Variants in STX8 observed in about 807,000 individuals in gnomAD.
The protein encoded by STX8 is syntaxin 8.
A neutral mutation model predicts 37.5 loss-of-function variants in STX8; 23 were observed. That is an observed-to-expected ratio of 0.61 (90% CI 0.44 to 0.87). The LOEUF (loss-of-function observed/expected upper bound fraction) is 0.87, where lower values mean the gene tolerates loss of function less well. Among genes scored for constraint, STX8 ranks in the 40% least tolerant of loss-of-function variants. The pLI is 0.00. For missense variants in STX8, 313 were observed against 284.7 expected, an observed-to-expected ratio of 1.10 and a Z score of -0.71; for synonymous variants, 115 against 99.1, an observed-to-expected ratio of 1.16 and a Z score of -0.95.
At chr17:9,306,087 A>G (rs1037185220) in intron 7 of STX8, among the ~76,000 whole-genome samples, 1 of 152,096 alleles carries the variant, frequency 6.6e-6, no homozygotes, top group Non-Finnish European at 1.5e-5. Flanking sequence ...CTTTTATTAT[A>G]CTATTTATAC....
chr17:9,261,261 G>T (rs1305481975), intron 7 of STX8, among the ~76,000 whole-genome samples: 1 of 152,208 alleles, frequency 6.6e-6, no homozygotes, highest in African/African-American at 2.4e-5. Context: ...CTCACGGCCC[G>T]GCCAGGGCGA....
intron 4 of STX8, among the ~76,000 whole-genome samples, chr17:9,510,009 A>G (rs970445718): frequency 6.6e-6 from 1 of 152,192 alleles, no homozygotes; most frequent in African/African-American, 2.4e-5. Flanking sequence ...ACAGACTTCA[A>G]GTCAAAAGTT....
chr17:9,525,690 A>T (rs925483361), intron 4 of STX8, among the ~76,000 whole-genome samples: 2 of 152,164 alleles, frequency 1.3e-5, no homozygotes, highest in Non-Finnish European at 2.9e-5. Flanking sequence ...TATGGCTCAT[A>T]TCACACAAAG....
intron 6 of STX8, chr17:9,452,203 G>C (rs761130158): frequency 8.6e-5 from 13 of 151,280 alleles, no homozygotes; most frequent in Non-Finnish European, 1.3e-4. Context: ...GTACCTGACA[G>C]CTTCTTGGTG....
intron 6 of STX8, among the ~76,000 whole-genome samples, chr17:9,428,732 G>T (rs1389228374): frequency 2.0e-5 from 3 of 152,124 alleles, no homozygotes; most frequent in African/African-American, 7.2e-5. Context: ...AATCAATATA[G>T]AAATTATTGG....
At chr17:9,535,810 T>A (rs973683813) in intron 4 of STX8, among the ~76,000 whole-genome samples, 21 of 152,138 alleles carry the variant, frequency 1.4e-4, no homozygotes, top group Admixed American at 6.5e-4. Context: ...ATTTTTGTAA[T>A]AGAAAAAGAC....
At position 9,511,858 on chromosome 17, in the gene STX8, A is replaced by T. The variant is rs536481547; in HGVS notation, c.324-6696T>A. On this transcript the variant is annotated intron_variant, in intron 4 of 7. Transcript: ENST00000306357. ...AAAAGCCTAAAGACTACCAAAAAAAAACCTCTCAGAACTGATAAACAAATT... is the reference window on the plus strand; with the variant it reads ...AAAAGCCTAAAGACTACCAAAAAAATACCTCTCAGAACTGATAAACAAATT... 2.2e-4 allele frequency among the ~76,000 whole-genome samples: 33 copies of T among 152,328 alleles called. No homozygotes were observed. The South Asian group carries it at 6.8e-3, about 32-fold the overall frequency.
intron 6 of STX8, among the ~76,000 whole-genome samples, chr17:9,474,467 G>A (rs551077548): frequency 6.6e-6 from 1 of 151,968 alleles, no homozygotes; most frequent in Non-Finnish European, 1.5e-5. Context: ...CCGCCTCCCG[G>A]GTTCAAGTGA....
intron 7 of STX8, among the ~76,000 whole-genome samples, chr17:9,255,574 A>ATAAT (rs1251957149): frequency 1.5e-5 from 2 of 135,168 alleles, no homozygotes; most frequent in Non-Finnish European, 3.3e-5. Context: ...AAATAAATAA[A>ATAAT]TAAATAAATA....
intron 7 of STX8, among the ~76,000 whole-genome samples, chr17:9,334,503 T>C (rs1910076636): frequency 6.6e-6 from 1 of 151,702 alleles, no homozygotes; most frequent in African/African-American, 2.4e-5. Flanking sequence ...CAAGATGGAG[T>C]CGTTTAAATT....
intron 6 of STX8, among the ~76,000 whole-genome samples, chr17:9,432,865 C>T (rs1453142262): frequency 2.6e-5 from 4 of 152,148 alleles, no homozygotes; most frequent in African/African-American, 7.2e-5. Flanking sequence ...TAAAGGTTTA[C>T]GTACTGGAAT....
intron 7 of STX8, among the ~76,000 whole-genome samples, chr17:9,297,034 A>C (rs1453841184): frequency 6.6e-6 from 1 of 152,202 alleles, no homozygotes; most frequent in East Asian, 1.9e-4. Context: ...GAAGAATAAC[A>C]GCATCTGTTC....
intron 7 of STX8, among the ~76,000 whole-genome samples, chr17:9,286,382 T>C (rs889798730): frequency 2.0e-5 from 3 of 152,214 alleles, no homozygotes; most frequent in African/African-American, 4.8e-5. Flanking sequence ...CTGTCTGTTA[T>C]GTTGGGGTGG....
Position 9,299,439 on chromosome 17 carries a change from CTTTTT to C in STX8, c.644-48799_644-48795del, listed in dbSNP as rs34149994. Among the ~76,000 whole-genome samples, 314 of 93,036 alleles carry C rather than the reference CTTTTT, an allele frequency of 3.4e-3. 2 individuals are homozygous for C. The highest frequency in any genetic ancestry group is 0.012 in the African/African-American group (287 of 23,754). 61.0% of individuals were successfully genotyped at this position (93,036 alleles called of 152,430 possible). A position where few individuals can be genotyped will look rare whatever the true frequency, so the allele number is the denominator to read the frequency against. On this transcript the variant is annotated intron_variant, in intron 7 of 7. Coordinates refer to ENST00000306357, the MANE Select transcript of STX8 (RefSeq NM_004853.3). Reference sequence around the variant, plus strand: ...GCCTGCGTCCGTCTTCATTCTTACGCTTTTTTTTTTTTTTTTTTTTTGAGACAAGA... The same window carrying C: ...GCCTGCGTCCGTCTTCATTCTTACGCTTTTTTTTTTTTTTTTGAGACAAGA...
chr17:9,477,568 G>A (rs1906156583), intron 6 of STX8, among the ~76,000 whole-genome samples: 1 of 152,156 alleles, frequency 6.6e-6, no homozygotes, highest in Non-Finnish European at 1.5e-5. Flanking sequence ...TTAAAAATCA[G>A]TGAGAAGAGC....
At chr17:9,343,056 A>G (rs1167636250) in intron 7 of STX8, among the ~76,000 whole-genome samples, 1 of 146,094 alleles carries the variant, frequency 6.8e-6, no homozygotes, top group Non-Finnish European at 1.5e-5. Flanking sequence ...TGCAAATGTG[A>G]GGATGCACTG....
chr17:9,573,860 T>G (rs911683534), intron 1 of STX8, among the ~76,000 whole-genome samples: 2 of 152,032 alleles, frequency 1.3e-5, no homozygotes, highest in African/African-American at 4.8e-5. Flanking sequence ...AAATAAGAGA[T>G]AGAACAAAGG....
At chr17:9,544,206 G>A (rs2142566349) in intron 4 of STX8, among the ~76,000 whole-genome samples, 1 of 152,322 alleles carries the variant, frequency 6.6e-6, no homozygotes, top group Admixed American at 6.5e-5. Flanking sequence ...ATGAGGAGAG[G>A]CGGGTTTCCA....
At chr17:9,498,293 G>A (rs921947226) in intron 5 of STX8, among the ~76,000 whole-genome samples, 2 of 152,106 alleles carry the variant, frequency 1.3e-5, no homozygotes, top group East Asian at 3.9e-4. Context: ...GGGAGGCTGA[G>A]GCTGGAGAAT....
Sources: gnomAD v4.1 joint callset for allele counts (sites outside exome capture counted in the v4.1 genomes callset) on GRCh38, gnomAD v4.1.1 for gene constraint, MANE v1.5 for transcripts, NCBI Gene and HGNC (gene_info 2026-07-23, HGNC 2026-07-21) for gene names.